Variants in FUT9 observed in about 807,000 individuals in gnomAD.
FUT9 encodes the protein fucosyltransferase 9, also known as 4-galactosyl-N-acetylglucosaminide 3-alpha-L-fucosyltransferase 9.
Under a neutral mutation model 29.7 loss-of-function variants are expected in FUT9, and 15 were observed. The ratio of observed to expected loss-of-function variants is 0.51; its 90% CI spans 0.34 to 0.78. FUT9 has a LOEUF of 0.78. Among genes scored for constraint, FUT9 ranks in the 30% least tolerant of loss-of-function variants. FUT9 has a pLI of 0.01. For missense variants in FUT9, 319 were observed against 425.4 expected (o/e 0.75, Z 2.20); for synonymous variants, 169 against 153.7 (o/e 1.10, Z -0.74).
chr6:96,196,376 A>G (rs768773736), intron 2 of FUT9, among the ~76,000 whole-genome samples: 3 of 152,192 alleles, frequency 2.0e-5, no homozygotes, highest in Non-Finnish European at 4.4e-5. Flanking sequence ...ATGGACAGTC[A>G]TATGGAAATG....
chr6:96,046,282 C>T (rs1007763581), intron 1 of FUT9, among the ~76,000 whole-genome samples: 16 of 151,176 alleles, frequency 1.1e-4, no homozygotes, highest in African/African-American at 3.7e-4. Flanking sequence ...ATTTTCTGAA[C>T]GTATGCAATG....
At chr6:96,200,352 C>T (rs1773706204) in intron 2 of FUT9, among the ~76,000 whole-genome samples, 1 of 152,122 alleles carries the variant, frequency 6.6e-6, no homozygotes, top group Non-Finnish European at 1.5e-5. Context: ...ATGGATTATT[C>T]ACGTTTGTAT....
At chr6:96,070,093 A>G (rs1026081553) in intron 1 of FUT9, among the ~76,000 whole-genome samples, 1 of 152,206 alleles carries the variant, frequency 6.6e-6, no homozygotes, top group African/African-American at 2.4e-5. Flanking sequence ...CTTCCTTAAT[A>G]ATAAAAATAT....
At chr6:96,029,247 A>G (rs1166549159) in intron 1 of FUT9, among the ~76,000 whole-genome samples, 1 of 150,830 alleles carries the variant, frequency 6.6e-6, no homozygotes, top group African/African-American at 2.4e-5. Flanking sequence ...ACAAATTGCC[A>G]AAGACTGACT....
At chr6:96,064,151 G>A (rs770713421) in intron 1 of FUT9, among the ~76,000 whole-genome samples, 10 of 152,116 alleles carry the variant, frequency 6.6e-5, no homozygotes, top group Non-Finnish European at 1.2e-4. Context: ...TTAACCATTA[G>A]TGGATAAGTT....
chr6:96,203,603 C>A lies in FUT9; in HGVS notation c.448C>A (p.His150Asn). ...CACTCCCCAAAAGAGTGGCATTGAGCACTTGTTTAACCTGACTCTGACTTA... is the reference window on the plus strand; with the variant it reads ...CACTCCCCAAAAGAGTGGCATTGAGAACTTGTTTAACCTGACTCTGACTTA... ...THTPQKSGIE[H>N]LFNLTLTYRR... Residue 150 changes from histidine to asparagine, a missense_variant, in exon 3 of 3, where the codon CAC (histidine) becomes AAC (asparagine). Coordinates refer to ENST00000302103, the MANE Select transcript of FUT9 (RefSeq NM_006581.4). The A allele has an allele frequency of 6.2e-7, 1 of 1,613,928 alleles. No homozygotes were observed. The highest frequency in any genetic ancestry group is 8.5e-7 in the Non-Finnish European group (1 of 1,179,958).
At chr6:96,126,623 G>A (rs1183762121) in intron 2 of FUT9, among the ~76,000 whole-genome samples, 1 of 152,222 alleles carries the variant, frequency 6.6e-6, no homozygotes, top group African/African-American at 2.4e-5. Context: ...AGACTTCAGT[G>A]CATTTTAAGG....
chr6:96,142,418 G>C (rs1463086564), intron 2 of FUT9, among the ~76,000 whole-genome samples: 5 of 152,184 alleles, frequency 3.3e-5, no homozygotes, highest in Non-Finnish European at 4.4e-5. Flanking sequence ...GTGGTAACTG[G>C]AGAGACAAAG....
At chr6:96,051,434 T>C (rs1424416441) in intron 1 of FUT9, among the ~76,000 whole-genome samples, 1 of 152,074 alleles carries the variant, frequency 6.6e-6, no homozygotes, top group Non-Finnish European at 1.5e-5. Flanking sequence ...GAGGATTGCT[T>C]GAAGCCAAGA....
chr6:96,206,256 T>A lies in FUT9; in HGVS notation c.*2021T>A, dbSNP rs1773827816. ...CCAACATATTATTCTCTCCGTATTA[T>A]CTCTTCTAACCACAATGCATTAAGA... is the stretch of plus-strand genomic sequence containing the variant. On this transcript the variant is annotated 3_prime_UTR_variant, in exon 3 of 3. Coordinates refer to ENST00000302103, the MANE Select transcript of FUT9 (RefSeq NM_006581.4). 6.0e-6 allele frequency: 1 copy of A among 167,088 alleles called. No individual in the cohort carries two copies. Among genetic ancestry groups the A allele is most frequent in the Admixed American group, 6.5e-5 (1 of 15,282 alleles). 10.4% of individuals were successfully genotyped at this position (167,088 alleles called of 1,614,324 possible). A position where few individuals can be genotyped will look rare whatever the true frequency, so the allele number is the denominator to read the frequency against.
At chr6:96,158,453 AT>A (rs1772832555) in intron 2 of FUT9, among the ~76,000 whole-genome samples, 1 of 152,134 alleles carries the variant, frequency 6.6e-6, no homozygotes, top group South Asian at 2.1e-4. Flanking sequence ...CTTCAGGAGC[AT>A]TTTAGAAATG....
rs1294129890 is a variant in FUT9 at position 96,204,940 on chromosome 6, A to G, written c.*705A>G. ...ATTTTTAAATATCCAATTTGTTGTGATTTTCAGCACCTGGGAAGTAATCCC... is the reference window on the plus strand; with the variant it reads ...ATTTTTAAATATCCAATTTGTTGTGGTTTTCAGCACCTGGGAAGTAATCCC... On this transcript the variant is annotated 3_prime_UTR_variant, in exon 3 of 3. Coordinates refer to ENST00000302103, the MANE Select transcript of FUT9 (RefSeq NM_006581.4). 6.2e-6 allele frequency: 1 copy of G among 162,394 alleles called. No individual in the cohort carries two copies. The highest frequency in any genetic ancestry group is 1.5e-5 in the Non-Finnish European group (1 of 68,044). 10.1% of individuals were successfully genotyped at this position (162,394 alleles called of 1,614,324 possible).
rs909177658 is a variant in FUT9, at chr6:96,204,614, T to A, written c.*379T>A. ...GATGCACATCTTAAAGTATGAAAAA[T>A]TTTCACTAAGTATTACAATGTCTAG... On this transcript the variant is annotated 3_prime_UTR_variant, in exon 3 of 3. Coordinates refer to ENST00000302103, the MANE Select transcript of FUT9 (RefSeq NM_006581.4). The A allele has an allele frequency of 5.9e-6, 1 of 169,280 alleles. No individual in the cohort carries two copies. The highest frequency in any genetic ancestry group is 1.4e-5 in the Non-Finnish European group (1 of 69,770). The allele number at this position is 169,280 out of a possible 1,614,324, so 10.5% of individuals were successfully genotyped here.
intron 1 of FUT9, among the ~76,000 whole-genome samples, chr6:96,111,947 G>A (rs1345872304): frequency 6.6e-6 from 1 of 152,052 alleles, no homozygotes; most frequent in Non-Finnish European, 1.5e-5. Flanking sequence ...TGTGTTTGTG[G>A]TTTTACTCAT....
At chr6:96,112,682 G>T (rs1036384740) in intron 1 of FUT9, among the ~76,000 whole-genome samples, 1 of 152,164 alleles carries the variant, frequency 6.6e-6, no homozygotes, top group Non-Finnish European at 1.5e-5. Flanking sequence ...GTGTGCATGG[G>T]TGTATGTAAT....
chr6:96,022,906 A>T (rs1770099779), intron 1 of FUT9, among the ~76,000 whole-genome samples: 1 of 151,856 alleles, frequency 6.6e-6, no homozygotes, highest in African/African-American at 2.4e-5. Context: ...GATCTGTCCA[A>T]AATCCCAAAG....
intron 1 of FUT9, among the ~76,000 whole-genome samples, chr6:96,068,873 A>AG (rs1334107664): frequency 6.6e-6 from 1 of 152,228 alleles, no homozygotes; most frequent in Non-Finnish European, 1.5e-5. Flanking sequence ...AATGAACTGG[A>AG]GAAAAAAAGA....
chr6:96,166,183 A>T (rs1773013234), intron 2 of FUT9, among the ~76,000 whole-genome samples: 1 of 152,120 alleles, frequency 6.6e-6, no homozygotes, highest in African/African-American at 2.4e-5. Context: ...GATCTTCTGT[A>T]CTTTTAATAT....
chr6:96,086,918 T>C (rs1446622684), intron 1 of FUT9, among the ~76,000 whole-genome samples: 1 of 152,144 alleles, frequency 6.6e-6, no homozygotes, highest in Non-Finnish European at 1.5e-5. Flanking sequence ...AGAGAATAGG[T>C]TTCCTGCAAT....
Sources: gnomAD v4.1 joint callset for allele counts (sites outside exome capture counted in the v4.1 genomes callset) on GRCh38, gnomAD v4.1.1 for gene constraint, MANE v1.5 for transcripts, NCBI Gene and HGNC (gene_info 2026-07-23, HGNC 2026-07-21) for gene names.